PIP4K2A: variants seen among roughly 807,000 people sequenced by gnomAD.
PIP4K2A encodes phosphatidylinositol 5-phosphate 4-kinase type-2 alpha.
A neutral mutation model predicts 42.9 loss-of-function variants in PIP4K2A; 14 were observed. That is an observed-to-expected ratio of 0.33 (90% CI 0.22 to 0.51). The LOEUF is 0.51. Ranked by LOEUF, PIP4K2A falls within the 20% of genes least tolerant of loss-of-function variation. The pLI is 0.97. For missense variants in PIP4K2A, 434 were observed against 519.8 expected, an observed-to-expected ratio of 0.83 and a Z score of 1.61; for synonymous variants, 192 against 192.2, an observed-to-expected ratio of 1.00 and a Z score of 0.01.
Position 22,537,108 on chromosome 10 carries a change from T to G in PIP4K2A, c.*93A>C. The stretch of plus-strand genomic sequence containing the variant: ...ACAAGGAGGTTTGCTTCCTGCAAGA[T>G]GAGTACTTCACTGAGTTTGGTTTTC... On this transcript the variant is annotated 3_prime_UTR_variant, in exon 10 of 10. Coordinates refer to ENST00000376573, the MANE Select transcript of PIP4K2A (RefSeq NM_005028.5). The G allele has an allele frequency of 2.2e-6, 2 of 907,706 alleles. No homozygotes were observed. Among genetic ancestry groups the G allele is most frequent in the South Asian group, 3.0e-5 (2 of 66,142 alleles). 56.2% of individuals were successfully genotyped at this position (907,706 alleles called of 1,614,324 possible).
intron 3 of PIP4K2A, 194 bp downstream of exon 3, chr10:22,607,730 ACCG>A (rs1392135483): frequency 3.4e-5 from 13 of 385,138 alleles, no homozygotes; most frequent in African/African-American, 2.5e-4. Context: ...TGACTTTTAT[ACCG>A]GTATCATATG....
At chr10:22,584,895 G>A (rs934513876) in intron 4 of PIP4K2A, among the ~76,000 whole-genome samples, 8 of 152,228 alleles carry the variant, frequency 5.3e-5, no homozygotes, top group South Asian at 4.1e-4. Flanking sequence ...CCCAAGAGCA[G>A]ATTCAGAACT....
intron 3 of PIP4K2A, among the ~76,000 whole-genome samples, chr10:22,595,658 G>A (rs1285730327): frequency 6.6e-6 from 1 of 152,058 alleles, no homozygotes; most frequent in African/African-American, 2.4e-5. Context: ...TTGGGAGGCT[G>A]AGGCACGAGA....
chr10:22,600,659 C>T (rs534475699), intron 3 of PIP4K2A, among the ~76,000 whole-genome samples: 27 of 152,240 alleles, frequency 1.8e-4, no homozygotes, highest in Admixed American at 4.6e-4. Context: ...TTACATGCCT[C>T]GAATCACACG....
chr10:22,578,138 T>C (rs1305537121), intron 4 of PIP4K2A, among the ~76,000 whole-genome samples: 5 of 152,210 alleles, frequency 3.3e-5, no homozygotes, highest in African/African-American at 7.2e-5. Flanking sequence ...AAGTGATGGG[T>C]ATATGCTACC....
chr10:22,695,913 A>AG (rs1355000707), intron 1 of PIP4K2A, among the ~76,000 whole-genome samples: 1 of 152,128 alleles, frequency 6.6e-6, no homozygotes, highest in Non-Finnish European at 1.5e-5. Context: ...TTGGATACAG[A>AG]GGGCTGACTG....
At chr10:22,683,608 A>C (rs1179265364) in intron 1 of PIP4K2A, among the ~76,000 whole-genome samples, 1 of 152,108 alleles carries the variant, frequency 6.6e-6, no homozygotes, top group Admixed American at 6.6e-5. Context: ...TTCTTCTTCC[A>C]TTAACTTTCC....
At chr10:22,608,045 A>G in intron 2 of PIP4K2A, 22 bp from the exon 3 acceptor site, 1 of 1,499,950 alleles carries the variant, frequency 6.7e-7, no homozygotes, top group Non-Finnish European at 9.3e-7. Flanking sequence ...ACAGCGTGGA[A>G]TAAAGCTCAG....
chr10:22,696,032 A>T (rs1157150424), intron 1 of PIP4K2A, among the ~76,000 whole-genome samples: 1 of 152,148 alleles, frequency 6.6e-6, no homozygotes, highest in African/African-American at 2.4e-5. Context: ...ACCTATAAAA[A>T]GGTGTAAGTA....
chr10:22,648,358 T>C (rs1250586909), intron 1 of PIP4K2A, among the ~76,000 whole-genome samples: 1 of 152,228 alleles, frequency 6.6e-6, no homozygotes, highest in African/African-American at 2.4e-5. Context: ...CTTTATTAGC[T>C]GACATTAAAT....
chr10:22,619,813 T>C (rs12243259), intron 1 of PIP4K2A, among the ~76,000 whole-genome samples: 1 of 152,210 alleles, frequency 6.6e-6, no homozygotes, highest in Non-Finnish European at 1.5e-5. Context: ...GATCCAAGTA[T>C]ATTTTAATTA....
chr10:22,537,534 C>T (rs150078506), intron 9 of PIP4K2A, among the ~76,000 whole-genome samples: 3 of 152,184 alleles, frequency 2.0e-5, no homozygotes, highest in African/African-American at 7.2e-5. Context: ...CCACACACAC[C>T]GGGGCTGTTG....
intron 4 of PIP4K2A, 96 bp downstream of exon 4, chr10:22,591,532 TG>T (rs1837510659): frequency 1.0e-6 from 1 of 954,054 alleles, no homozygotes; most frequent in East Asian, 2.5e-5. Context: ...GTGTTCTTCT[TG>T]TTCTCTAACT....
chr10:22,551,046 G>C (rs763852056), intron 6 of PIP4K2A, among the ~76,000 whole-genome samples: 7 of 152,184 alleles, frequency 4.6e-5, no homozygotes, highest in Non-Finnish European at 8.8e-5. Flanking sequence ...CACATTTCAT[G>C]TTTTTCAGAG....
At chr10:22,611,669 TATG>T (rs759342622) in intron 1 of PIP4K2A, among the ~76,000 whole-genome samples, 1 of 152,234 alleles carries the variant, frequency 6.6e-6, no homozygotes, top group Non-Finnish European at 1.5e-5. Flanking sequence ...TCAAGCATCT[TATG>T]ATACTAAGTC....
At chr10:22,569,174 T>TG in intron 5 of PIP4K2A, 1 of 745,022 alleles carries the variant, frequency 1.3e-6, no homozygotes, top group South Asian at 1.6e-5. Context: ...CTCCTCACAT[T>TG]GGGGAAGGGA....
At chr10:22,695,693 C>T (rs1353192763) in intron 1 of PIP4K2A, among the ~76,000 whole-genome samples, 1 of 152,150 alleles carries the variant, frequency 6.6e-6, no homozygotes, top group Non-Finnish European at 1.5e-5. Flanking sequence ...GCTCAAGTCC[C>T]TAATACAAAA....
At chr10:22,667,912 TGTGTAG>T (rs1839379857) in intron 1 of PIP4K2A, among the ~76,000 whole-genome samples, 1 of 122,568 alleles carries the variant, frequency 8.2e-6, no homozygotes, top group Non-Finnish European at 1.8e-5. Context: ...TGTGTGTGTG[TGTGTAG>T]AGAGGGGGAG....
In PIP4K2A at chr10:22,659,262, C is replaced by T. The variant is rs1368122205; in HGVS notation, c.145-49545G>A. Among the ~76,000 whole-genome samples, 9 of 152,238 alleles carry T rather than the reference C, an allele frequency of 5.9e-5. No individual in the cohort carries two copies. In the East Asian group the frequency reaches 1.5e-3, roughly 26 times the overall value. ...ATATACTCATAACACGTCTTTATGG[C>T]CACAAAAGGATTCAAGCACCATAAG... On this transcript the variant is annotated intron_variant, in intron 1 of 9. Coordinates refer to ENST00000376573, the MANE Select transcript of PIP4K2A (RefSeq NM_005028.5).
Sources: gnomAD v4.1 joint callset for allele counts (sites outside exome capture counted in the v4.1 genomes callset) on GRCh38, gnomAD v4.1.1 for gene constraint, MANE v1.5 for transcripts, NCBI Gene and HGNC (gene_info 2026-07-23, HGNC 2026-07-21) for gene names.